Variants in UBASH3A observed in about 807,000 individuals in gnomAD.
UBASH3A encodes the protein ubiquitin-associated and SH3 domain-containing protein A.
In UBASH3A, 63 loss-of-function variants were observed where a neutral mutation model predicts 73.5. The ratio of observed to expected loss-of-function variants is 0.86; its 90% CI spans 0.70 to 1.06. UBASH3A has a LOEUF of 1.06. UBASH3A is among the 50% of genes least tolerant of loss of function. The pLI, the probability that UBASH3A is intolerant of heterozygous loss-of-function variation, is 0.00. For missense variants in UBASH3A, 860 were observed against 859.0 expected, an observed-to-expected ratio of 1.00 and a Z score of -0.02; for synonymous variants, 363 against 351.1, an observed-to-expected ratio of 1.03 and a Z score of -0.38.
Position 42,416,631 on chromosome 21 carries a change from G to T in UBASH3A, c.837+20G>T, listed in dbSNP as rs1261763834. The T allele has an allele frequency of 3.3e-6, 5 of 1,523,382 alleles. No individual in the cohort carries two copies. Among genetic ancestry groups the T allele is most frequent in the Non-Finnish European group, 2.6e-6 (3 of 1,132,534 alleles). 94.4% of individuals were successfully genotyped at this position (1,523,382 alleles called of 1,614,324 possible). ...TACCAGGTGAGAGAGCTGAGCAGGGGCTCATAAGAAGCAGATGAATGGGCT... is the reference window on the plus strand; with the variant it reads ...TACCAGGTGAGAGAGCTGAGCAGGGTCTCATAAGAAGCAGATGAATGGGCT... On this transcript the variant is annotated intron_variant, in intron 6 of 14. Transcript: ENST00000319294.
intron 6 of UBASH3A, among the ~76,000 whole-genome samples, chr21:42,417,884 T>C (rs1342764198): frequency 4.9e-5 from 6 of 123,570 alleles, no homozygotes; most frequent in South Asian, 2.5e-4. Context: ...TTTTCTTTTT[T>C]TTTTTTTTTT....
rs1350820701 is a variant in UBASH3A at position 42,444,586 on chromosome 21, G to T, written c.1791G>T (p.Arg597=). Reference sequence around the variant, plus strand: ...GCTCCACTCTGGACTCCTGCACGCGGCCACTGCTCGGGCTGCCGCCCCGGG... The same window carrying T: ...GCTCCACTCTGGACTCCTGCACGCGTCCACTGCTCGGGCTGCCGCCCCGGG... ...SHGSTLDSCT[R]PLLGLPPREC... The change falls in exon 14 of 15, where the codon CGG becomes CGT. Residue 597 remains arginine, a synonymous_variant. Coordinates refer to ENST00000319294, the MANE Select transcript of UBASH3A (RefSeq NM_018961.4). 1.2e-6 allele frequency: 2 copies of T among 1,614,156 alleles called. No individual in the cohort carries two copies. Among genetic ancestry groups the T allele is most frequent in the African/African-American group, 1.3e-5 (1 of 75,064 alleles).
intron 7 of UBASH3A, 142 bp downstream of exon 7, chr21:42,418,751 G>T (rs112981469): frequency 5.4e-6 from 4 of 746,328 alleles, no homozygotes; most frequent in Non-Finnish European, 8.6e-6. Flanking sequence ...ATTCCTGCAG[G>T]TATATAGTAA....
intron 5 of UBASH3A, among the ~76,000 whole-genome samples, chr21:42,414,521 A>G (rs2146512379): frequency 6.6e-6 from 1 of 152,340 alleles, no homozygotes; most frequent in Admixed American, 6.5e-5. Context: ...TTTGTCCACC[A>G]GGAACTTGGG....
At chr21:42,444,866 C>T (rs1447594701) in intron 14 of UBASH3A, among the ~76,000 whole-genome samples, 3 of 151,950 alleles carry the variant, frequency 2.0e-5, no homozygotes, top group Non-Finnish European at 4.4e-5. Context: ...GGCCACTTGC[C>T]AACTTTTTAC....
chr21:42,444,977 A>C (rs2053821869), intron 14 of UBASH3A, among the ~76,000 whole-genome samples: 1 of 152,034 alleles, frequency 6.6e-6, no homozygotes, highest in South Asian at 2.1e-4. Flanking sequence ...CGACTGTGGG[A>C]CTCGATTCTG....
Position 42,404,057 on chromosome 21 carries a change from G to T in UBASH3A, c.112G>T (p.Ala38Ser), listed in dbSNP as rs372391995. 4 of 1,497,266 alleles carry T rather than the reference G, an allele frequency of 2.7e-6. No individual in the cohort carries two copies. The highest frequency in any genetic ancestry group is 2.1e-5 in the Admixed American group (1 of 47,100). 92.7% of individuals were successfully genotyped at this position (1,497,266 alleles called of 1,614,324 possible). A position where few individuals can be genotyped will look rare whatever the true frequency, so the allele number is the denominator to read the frequency against. The stretch of plus-strand genomic sequence containing the variant: ...GGCCATGGGCTTCCCGGTGCACACC[G>T]CGTGAGTACTGCCCAGAGACCCCGG... ...LLAMGFPVHT[A>S]LKALAATGRK... Residue 38 changes from alanine (A) to serine (S), a missense_variant and splice_region_variant, in exon 1 of 15, where the codon GCG becomes TCG. Coordinates refer to ENST00000319294, the MANE Select transcript of UBASH3A (RefSeq NM_018961.4).
chr21:42,444,821 G>A (rs146282941), intron 14 of UBASH3A, among the ~76,000 whole-genome samples, 178 bp downstream of exon 14: 1 of 152,230 alleles, frequency 6.6e-6, no homozygotes, highest in Non-Finnish European at 1.5e-5. Context: ...TTCGGGCTGG[G>A]GCTGGTGGAT....
chr21:42,445,158 T>C (rs138974355), intron 14 of UBASH3A, among the ~76,000 whole-genome samples: 1 of 152,178 alleles, frequency 6.6e-6, no homozygotes, highest in South Asian at 2.1e-4. Flanking sequence ...AACGCACACG[T>C]GACATCTTGG....
Position 42,444,531 on chromosome 21 carries a change from C to T in UBASH3A, c.1739-3C>T. The T allele has an allele frequency of 6.2e-7, 1 of 1,610,872 alleles. No homozygotes were observed. Among genetic ancestry groups the T allele is most frequent in the Non-Finnish European group, 8.5e-7 (1 of 1,178,842 alleles). ...GACCTGGAGGTGTTCTTGTTTTCCA[C>T]AGCGGGTGTCATCCTAATTGTGAGT... On this transcript the variant is annotated splice_polypyrimidine_tract_variant and splice_region_variant and intron_variant, in intron 13 of 14. Transcript: ENST00000319294.
At chr21:42,404,323 C>G in intron 1 of UBASH3A, 2 of 326,226 alleles carry the variant, frequency 6.1e-6, no homozygotes, top group Non-Finnish European at 1.1e-5. Context: ...CTAAGGCTGC[C>G]CTGTTCAATT....
intron 7 of UBASH3A, among the ~76,000 whole-genome samples, chr21:42,425,239 C>T (rs1043710928): frequency 2.6e-5 from 4 of 152,258 alleles, no homozygotes; most frequent in East Asian, 1.9e-4. Context: ...AAATGCTAAG[C>T]TCTTTTCTTT....
At chr21:42,418,939 C>T (rs1455998512) in intron 7 of UBASH3A, among the ~76,000 whole-genome samples, 2 of 152,026 alleles carry the variant, frequency 1.3e-5, no homozygotes, top group Admixed American at 6.5e-5. Context: ...TCTTCTGCTC[C>T]GTGTATGAAA....
rs746807676 is a variant in UBASH3A, at chr21:42,443,414, G to T, written c.1734G>T (p.Gln578His). 2 of 1,603,828 alleles carry T rather than the reference G, an allele frequency of 1.2e-6. No homozygotes were observed. The highest frequency in any genetic ancestry group is 1.7e-6 in the Non-Finnish European group (2 of 1,175,072). ...SMVQIVNTCPQDTGVILIVSH... is the reference protein window; with the variant it reads ...SMVQIVNTCPHDTGVILIVSH... ...TGCAAATCGTCAACACCTGTCCACA[G>T]GACAGTAAGTGCCTCACCATCCTCA... Residue 578 changes from glutamine to histidine, a missense_variant, in exon 13 of 15, where the codon CAG becomes CAT. Gln to His is a conservative substitution (Grantham distance 24). Transcript: ENST00000319294.
intron 2 of UBASH3A, among the ~76,000 whole-genome samples, chr21:42,406,738 T>G (rs2052985315): frequency 7.8e-6 from 1 of 128,176 alleles, no homozygotes; most frequent in Non-Finnish European, 1.7e-5. Flanking sequence ...AGTAATTAGG[T>G]TAAAAATGGT....
chr21:42,435,250 C>T (rs1400659581), intron 10 of UBASH3A: 2 of 222,564 alleles, frequency 9.0e-6, no homozygotes, highest in African/African-American at 2.3e-5. Context: ...AACCAAGGAG[C>T]TCCAAGGAGC....
At chr21:42,412,128 G>A (rs1410600058) in intron 3 of UBASH3A, among the ~76,000 whole-genome samples, 6 of 152,210 alleles carry the variant, frequency 3.9e-5, no homozygotes, top group Non-Finnish European at 8.8e-5. Context: ...AATGGCACTG[G>A]GAAGGTTTTC....
At position 42,446,929 on chromosome 21, in the gene UBASH3A, G is replaced by A. The variant is rs117452302; in HGVS notation, c.1849-128G>A. 5.5e-4 allele frequency: 570 copies of A among 1,031,236 alleles called. 11 individuals are homozygous for A. The East Asian group carries it at 0.014, about 25-fold the overall frequency. 63.9% of individuals were successfully genotyped at this position (1,031,236 alleles called of 1,614,324 possible). ...CAGATGTTGGTGCCATTCAATGGTG[G>A]CAGTGCCAGCCTGGGCAGTCGCAGA... On this transcript the variant is annotated intron_variant, in intron 14 of 14. Transcript: ENST00000319294.
chr21:42,444,455 C>A (rs990722862), intron 13 of UBASH3A, 79 bp from the exon 14 acceptor site: 2 of 1,082,614 alleles, frequency 1.8e-6, no homozygotes, highest in South Asian at 1.2e-5. Context: ...CTCTGCCCCC[C>A]ACCACTTTGG....
Sources: allele counts gnomAD v4.1 joint callset (sites outside exome capture counted in the v4.1 genomes callset), GRCh38; gene constraint gnomAD v4.1.1; transcripts MANE v1.5; gene names NCBI Gene and HGNC (gene_info 2026-07-23, HGNC 2026-07-21).